CLNK: variants seen among roughly 807,000 people sequenced by gnomAD.
CLNK encodes cytokine-dependent hematopoietic cell linker.
A neutral mutation model predicts 68.6 loss-of-function variants in CLNK; 74 were observed. That is an observed-to-expected ratio of 1.08 (90% CI 0.89 to 1.31). CLNK has a LOEUF of 1.31. Among genes scored for constraint, CLNK ranks in the 50% most tolerant of loss-of-function variants. CLNK has a pLI of 0.00. For synonymous variants in CLNK, 198 were observed against 172.2 expected, an observed-to-expected ratio of 1.15 and a Z score of -1.17; for missense variants, 553 against 515.3, an observed-to-expected ratio of 1.07 and a Z score of -0.71.
chr4:10,651,925 G>A (rs1484889468), intron 2 of CLNK, among the ~76,000 whole-genome samples: 1 of 151,264 alleles, frequency 6.6e-6, no homozygotes, highest in Non-Finnish European at 1.5e-5. Flanking sequence ...ACTGATAGAA[G>A]TAAAATGGAG....
At chr4:10,593,183 G>T (rs1721244883) in intron 3 of CLNK, among the ~76,000 whole-genome samples, 1 of 152,194 alleles carries the variant, frequency 6.6e-6, no homozygotes, top group Non-Finnish European at 1.5e-5. Flanking sequence ...CCTTCTGCAT[G>T]GTGAGGTGGG....
At chr4:10,493,698 A>G (rs1716688658) in intron 18 of CLNK, among the ~76,000 whole-genome samples, 1 of 146,252 alleles carries the variant, frequency 6.8e-6, no homozygotes, top group South Asian at 2.1e-4. Context: ...ATGCTAAGGT[A>G]AGGTACTTTC....
intron 5 of CLNK, among the ~76,000 whole-genome samples, chr4:10,571,492 G>A (rs1350062557): frequency 6.6e-6 from 1 of 151,800 alleles, no homozygotes; most frequent in Non-Finnish European, 1.5e-5. Flanking sequence ...ACACCACCAT[G>A]CCTGGCTAAT....
intron 12 of CLNK, chr4:10,531,601 C>A (rs1475683166): frequency 2.7e-6 from 1 of 371,600 alleles, no homozygotes; most frequent in Non-Finnish European, 5.3e-6. Context: ...GCCACCACAC[C>A]TGGCTAATTT....
intron 2 of CLNK, among the ~76,000 whole-genome samples, chr4:10,658,370 C>A (rs758606643): frequency 7.2e-5 from 11 of 152,188 alleles, no homozygotes; most frequent in Admixed American, 6.5e-4. Flanking sequence ...TATAGCCAGC[C>A]GACAGTATCT....
intron 17 of CLNK, among the ~76,000 whole-genome samples, chr4:10,503,183 C>T (rs570243735): frequency 4.6e-5 from 7 of 152,024 alleles, no homozygotes; most frequent in East Asian, 1.9e-4. Context: ...GAATAGAGGC[C>T]GGGTGTGGTG....
intron 3 of CLNK, among the ~76,000 whole-genome samples, chr4:10,585,364 G>A (rs1210798552): frequency 6.6e-6 from 1 of 152,196 alleles, no homozygotes; most frequent in Non-Finnish European, 1.5e-5. Context: ...TAAACAGATG[G>A]TAGCCTATAG....
intron 12 of CLNK, among the ~76,000 whole-genome samples, chr4:10,529,754 G>T (rs1718462950): frequency 6.6e-6 from 1 of 152,170 alleles, no homozygotes; most frequent in Admixed American, 6.5e-5. Context: ...AAGGGGAGAG[G>T]AAGAGGAGAT....
chr4:10,542,824 GAAAAAA>G (rs548514459), intron 8 of CLNK, among the ~76,000 whole-genome samples: 1 of 146,420 alleles, frequency 6.8e-6, no homozygotes, highest in Non-Finnish European at 1.5e-5. Flanking sequence ...TTTTATGGAT[GAAAAAA>G]AAAACTAAGG....
At chr4:10,688,485 C>G (rs372710411), upstream of CLNK, among the ~76,000 whole-genome samples, 1 of 152,118 alleles carries the variant, frequency 6.6e-6, no homozygotes, top group Non-Finnish European at 1.5e-5. Flanking sequence ...TTTCCTGGTT[C>G]TTGCATGGCC....
chr4:10,604,111 G>A (rs112170018), intron 2 of CLNK, among the ~76,000 whole-genome samples: 8 of 152,324 alleles, frequency 5.3e-5, no homozygotes, highest in African/African-American at 1.4e-4. Context: ...ATGGGGAATA[G>A]CAGGGGGTAT....
chr4:10,632,465 A>G (rs1169143350), intron 2 of CLNK, among the ~76,000 whole-genome samples: 1 of 152,258 alleles, frequency 6.6e-6, no homozygotes, highest in Admixed American at 6.5e-5. Flanking sequence ...ATATCAGACT[A>G]TACAACTTTC....
intron 3 of CLNK, among the ~76,000 whole-genome samples, chr4:10,588,240 C>T (rs537896740): frequency 6.6e-6 from 1 of 152,272 alleles, no homozygotes; most frequent in African/African-American, 2.4e-5. Flanking sequence ...GCAAACCGTT[C>T]CTGAGATTCC....
rs59809551 is a variant in CLNK, at chr4:10,610,771, A to AACAC, written c.12-12726_12-12723dup. ...GTGATAGAAAACAACATAAAAAAGC[A>AACAC]ACACACACACACACACACACACACA... On this transcript the variant is annotated intron_variant, in intron 2 of 18. Coordinates refer to ENST00000226951, the MANE Select transcript of CLNK (RefSeq NM_052964.4). Among the ~76,000 whole-genome samples, 294 of 144,594 alleles carry AACAC rather than the reference A, an allele frequency of 2.0e-3. 1 individual carries two copies. The highest frequency in any genetic ancestry group is 4.6e-3 in the African/African-American group (179 of 38,702). The allele number at this position is 144,594 out of a possible 152,430, so 94.9% of individuals were successfully genotyped here.
intron 18 of CLNK, among the ~76,000 whole-genome samples, chr4:10,499,993 C>T (rs1037912340): frequency 6.6e-6 from 1 of 152,132 alleles, no homozygotes; most frequent in Non-Finnish European, 1.5e-5. Context: ...AGGACTTCAA[C>T]GTGTGGGTTT....
chr4:10,724,250 G>A, the CLNK span, among the ~76,000 whole-genome samples: 6 of 152,074 alleles, frequency 3.9e-5, no homozygotes, highest in African/African-American at 1.4e-4. Flanking sequence ...TGCCCAGGAT[G>A]CTTTCTGCTG....
chr4:10,718,925 A>G, the CLNK span, among the ~76,000 whole-genome samples: 64,161 of 151,832 alleles, frequency 0.42, 14,581 homozygotes, highest in East Asian at 0.58. Flanking sequence ...TAATTTTTCC[A>G]TATTTTATTT....
intron 18 of CLNK, among the ~76,000 whole-genome samples, chr4:10,498,017 G>A (rs746756213): frequency 2.6e-4 from 39 of 152,188 alleles, no homozygotes; most frequent in Admixed American, 1.6e-3. Flanking sequence ...CCAACATGGA[G>A]CAACCCTGTC....
At chr4:10,642,120 CA>C (rs1466803630) in intron 2 of CLNK, among the ~76,000 whole-genome samples, 1 of 152,122 alleles carries the variant, frequency 6.6e-6, no homozygotes, top group Non-Finnish European at 1.5e-5. Context: ...CTGTGTAAGT[CA>C]ATTTCAATAA....
Sources: allele counts gnomAD v4.1 joint callset (sites outside exome capture counted in the v4.1 genomes callset), GRCh38; gene constraint gnomAD v4.1.1; transcripts MANE v1.5; gene names NCBI Gene and HGNC (gene_info 2026-07-23, HGNC 2026-07-21).